MAP7D3: variants seen among roughly 807,000 people sequenced by gnomAD.
MAP7D3 encodes MAP7 domain containing 3.
MAP7D3 carries 45 observed loss-of-function variants against 62.2 expected under a neutral mutation model. The ratio of observed to expected loss-of-function variants is 0.72; its 90% CI spans 0.57 to 0.93. The LOEUF (loss-of-function observed/expected upper bound fraction) is 0.93. Ranked by LOEUF, MAP7D3 falls within the 40% of genes least tolerant of loss-of-function variation. The probability of loss-of-function intolerance (pLI) is 0.00; values close to 1 mark genes in which losing one functional copy is unlikely to be tolerated. For missense variants in MAP7D3, 711 were observed against 683.1 expected (o/e 1.04, Z -0.45); for synonymous variants, 288 against 248.8 (o/e 1.16, Z -1.48).
intron 10 of MAP7D3, among the ~76,000 whole-genome samples, chrX:136,229,955 TTG>T (rs56189227): frequency 0.078 from 4,578 of 59,030 alleles, 88 homozygotes; most frequent in Non-Finnish European, 0.12. Context: ...ATTTTTTTTT[TTG>T]TGTGTGTATA....
At chrX:136,251,434 T>TGGCCGGGCTGCCGGTG, upstream of MAP7D3, 1 of 692,457 alleles carries the variant, frequency 1.4e-6, no homozygotes. Flanking sequence ...GCTTGGGTCG[T>TGGCCGGGCTGCCGGTG]GGCCGGGCTG....
chrX:136,220,961 T>C lies in MAP7D3; in HGVS notation c.2290A>G (p.Ile764Val). The change falls in exon 16 of 19, where the codon ATT (isoleucine) becomes GTT (valine). Residue 764 changes from isoleucine (I) to valine (V), a missense_variant and splice_region_variant. Ile to Val is a conservative substitution (Grantham distance 29, BLOSUM62 3). Transcript: ENST00000316077. ...GTAGGTGAGCCTGTGCCATTTAGAATGGCTAGGAAAAAAAATTACACAATT... is the reference window on the plus strand; with the variant it reads ...GTAGGTGAGCCTGTGCCATTTAGAACGGCTAGGAAAAAAAATTACACAATT... ...DSLNEMFPSA[I>V]LNGTGSPTKF... 1 of 1,174,953 alleles carries C rather than the reference T, an allele frequency of 8.5e-7. No homozygotes were observed. Among genetic ancestry groups the C allele is most frequent in the East Asian group, 3.0e-5 (1 of 33,683 alleles).
Position 136,220,793 on chromosome X carries a change from C to G in MAP7D3, c.2458G>C (p.Asp820His), listed in dbSNP as rs2074117117. 2.5e-6 allele frequency: 3 copies of G among 1,210,982 alleles called. No homozygotes were observed. The East Asian group carries it at 8.9e-5, about 36-fold the overall frequency. ...LKNFRQKSMK[D>H]TSIQEVVSRP... ...GAAACTACTTCCTGTATTGAAGTGTCTTTCATGCTTTTTTGTCTGAAGTTT... is the reference window on the plus strand; with the variant it reads ...GAAACTACTTCCTGTATTGAAGTGTGTTTCATGCTTTTTTGTCTGAAGTTT... Residue 820 changes from aspartate (D) to histidine (H), a missense_variant, in exon 16 of 19, where the codon GAC becomes CAC. Asp to His is a moderately conservative substitution (Grantham distance 81). Transcript: ENST00000316077.
chrX:136,228,643 T>C lies in MAP7D3; in HGVS notation c.1866A>G (p.Gln622=). ...CTGACCTTTGCTGCATTTCTTCCCG[T>C]TGTCTTTCTTCTTCCTCTTTTTCTC... is the stretch of plus-strand genomic sequence containing the variant. ...EQREKEEEER[Q]REEMQQRVIK... Residue 622 remains glutamine, a synonymous_variant, in exon 11 of 19, where the codon CAA becomes CAG. Coordinates refer to ENST00000316077, the MANE Select transcript of MAP7D3 (RefSeq NM_024597.4). 2 of 1,208,093 alleles carry C rather than the reference T, an allele frequency of 1.7e-6. No homozygotes were observed. The highest frequency in any genetic ancestry group is 2.2e-6 in the Non-Finnish European group (2 of 894,002).
intron 7 of MAP7D3, among the ~76,000 whole-genome samples, chrX:136,234,239 G>A (rs946099226): frequency 2.8e-5 from 3 of 107,660 alleles, no homozygotes; most frequent in African/African-American, 1.1e-4. Context: ...ATTACTGGGT[G>A]GGGGGGGTGG....
At chrX:136,229,267 G>A (rs1044183409) in intron 10 of MAP7D3, among the ~76,000 whole-genome samples, 4 of 111,287 alleles carry the variant, frequency 3.6e-5, no homozygotes, top group African/African-American at 1.3e-4. Context: ...ACAAAACCAA[G>A]ACTATCAGTA....
intron 16 of MAP7D3, among the ~76,000 whole-genome samples, chrX:136,220,126 C>G (rs887677647): frequency 2.7e-5 from 3 of 111,691 alleles, no homozygotes; most frequent in Non-Finnish European, 5.6e-5. Context: ...TCCTGCTCTC[C>G]TGACCTAACT....
rs969250592 is a variant in MAP7D3, at chrX:136,246,062, T to C, written c.253+3A>G. Reference sequence around the variant, plus strand: ...GATTTTTGAAAAAAGGTCTAAAATATACCGTCTTGCTGTCTCCTTTTCTCC... The same window carrying C: ...GATTTTTGAAAAAAGGTCTAAAATACACCGTCTTGCTGTCTCCTTTTCTCC... On this transcript the variant is annotated splice_donor_region_variant and intron_variant, in intron 3 of 18. Transcript: ENST00000316077. 12 of 1,174,000 alleles carry C rather than the reference T, an allele frequency of 1.0e-5. No homozygotes were observed. Among genetic ancestry groups the C allele is most frequent in the Admixed American group, 2.4e-5 (1 of 42,480 alleles).
At chrX:136,229,991 A>AT (rs1458959720) in intron 10 of MAP7D3, among the ~76,000 whole-genome samples, 195 of 50,893 alleles carry the variant, frequency 3.8e-3, no homozygotes, top group South Asian at 9.4e-3. Flanking sequence ...ATATATATAT[A>AT]TATTTTTTTT....
upstream of MAP7D3, among the ~76,000 whole-genome samples, chrX:136,253,710 G>C (rs1026447572): frequency 2.7e-5 from 3 of 112,060 alleles, no homozygotes; most frequent in Non-Finnish European, 5.6e-5. Flanking sequence ...TTCTTCTTAA[G>C]AAATAAATAG....
upstream of MAP7D3, among the ~76,000 whole-genome samples, chrX:136,253,388 A>G (rs1185398690): frequency 8.9e-6 from 1 of 112,263 alleles, no homozygotes; most frequent in Non-Finnish European, 1.9e-5. Context: ...CTAATAATGA[A>G]GAAACATTCA....
At chrX:136,252,519 A>T (rs938102596), upstream of MAP7D3, among the ~76,000 whole-genome samples, 66 of 105,352 alleles carry the variant, frequency 6.3e-4, 1 homozygote, top group African/African-American at 2.2e-3. Flanking sequence ...TCTACTAAAA[A>T]TACAAAAATT....
chrX:136,250,947 G>C (rs1349705653), intron 1 of MAP7D3, among the ~76,000 whole-genome samples: 1 of 111,487 alleles, frequency 9.0e-6, no homozygotes, highest in Admixed American at 9.3e-5. Flanking sequence ...GCGGTCCGCG[G>C]GGTCCGGCTT....
rs1457540516 is a variant in MAP7D3, at chrX:136,221,206, A to G, written c.2288-243T>C. Among the ~76,000 whole-genome samples the G allele has an allele frequency of 4.5e-5, 5 of 111,972 alleles. No individual in the cohort carries two copies. The South Asian group carries it at 1.5e-3, about 33-fold the overall frequency. On this transcript the variant is annotated intron_variant, in intron 15 of 18. Transcript: ENST00000316077. ...AGGCACCAAGAGGCTACGTTTAAGG[A>G]ATCTGTCCTTTTTCCTTTGCTAGGA...
In MAP7D3 at chrX:136,251,301, G is replaced by A. The variant is rs1245807511; in HGVS notation, c.58C>T (p.Arg20Trp). ...AGGSPSLREL[R>W]ARMVAAANEI... ...CCCGCCCGCTCACCCATCCGTGCCC[G>A]CAGCTCTCTCAAGGATGGGCTGCCG... Residue 20 changes from arginine (R) to tryptophan (W), a missense_variant, in exon 1 of 19, where the codon CGG becomes TGG. Coordinates refer to ENST00000316077, the MANE Select transcript of MAP7D3 (RefSeq NM_024597.4). 1.3e-5 allele frequency: 15 copies of A among 1,130,676 alleles called. No homozygotes were observed. The East Asian group carries it at 5.0e-4, about 38-fold the overall frequency. 93.2% of individuals were successfully genotyped at this position (1,130,676 alleles called of 1,213,427 possible).
intron 4 of MAP7D3, 131 bp downstream of exon 4, chrX:136,244,501 G>A (rs2074425246): frequency 1.8e-6 from 1 of 542,500 alleles, no homozygotes; most frequent in Non-Finnish European, 3.0e-6. Context: ...GGAAGAGGAA[G>A]CGAAGAAGAA....
At chrX:136,251,570 T>C, upstream of MAP7D3, 6 of 820,860 alleles carry the variant, frequency 7.3e-6, no homozygotes, top group Non-Finnish European at 7.3e-6. Flanking sequence ...GGGCAGCGAC[T>C]ACCTGGTCTA....
rs765049332 is a variant in MAP7D3, at chrX:136,220,933, T to C, written c.2318A>G (p.Lys773Arg). ...AILNGTGSPT[K>R]FKMPFNNAKK... The stretch of plus-strand genomic sequence containing the variant: ...GGCATTGTTGAACGGCATTTTAAAT[T>C]TGGTAGGTGAGCCTGTGCCATTTAG... The change falls in exon 16 of 19, where the codon AAA becomes AGA. Residue 773 changes from lysine (K) to arginine (R), a missense_variant. Transcript: ENST00000316077. 3.3e-6 allele frequency: 4 copies of C among 1,205,811 alleles called. No individual in the cohort carries two copies. Among genetic ancestry groups the C allele is most frequent in the South Asian group, 1.8e-5 (1 of 56,840 alleles).
chrX:136,249,790 G>T (rs1250013039), intron 1 of MAP7D3, among the ~76,000 whole-genome samples: 2 of 112,103 alleles, frequency 1.8e-5, no homozygotes, highest in Non-Finnish European at 3.8e-5. Flanking sequence ...TGTGAAAAAA[G>T]TCTAACATGC....
Sources: gnomAD v4.1 joint callset for allele counts (sites outside exome capture counted in the v4.1 genomes callset) on GRCh38, gnomAD v4.1.1 for gene constraint, MANE v1.5 for transcripts, NCBI Gene and HGNC (gene_info 2026-07-23, HGNC 2026-07-21) for gene names.